The following SPAG9 variants were observed in gnomAD, a reference collection of about 807,000 sequenced individuals.
SPAG9 encodes the protein C-Jun-amino-terminal kinase-interacting protein 4.
Under a neutral mutation model 166.5 loss-of-function variants are expected in SPAG9, and 35 were observed. The ratio of observed to expected loss-of-function variants is 0.21; its 90% CI spans 0.16 to 0.28. The LOEUF is 0.28. Among genes scored for constraint, SPAG9 ranks in the 10% least tolerant of loss-of-function variants. The probability of loss-of-function intolerance (pLI) is 1.00; values close to 1 mark genes in which losing one functional copy is unlikely to be tolerated. For missense variants in SPAG9, 1,235 were observed against 1,603.3 expected (o/e 0.77, Z 3.92); for synonymous variants, 534 against 565.5 (o/e 0.94, Z 0.79).
chr17:51,068,125 A>G (rs1182743498), intron 2 of SPAG9, among the ~76,000 whole-genome samples: 1 of 152,202 alleles, frequency 6.6e-6, no homozygotes, highest in South Asian at 2.1e-4. Context: ...AGATAGTCCA[A>G]CTGTTGCTGG....
In SPAG9 at chr17:51,077,021, T is replaced by TCTAG. The variant is rs1249662126; in HGVS notation, c.424+2559_424+2562dup. 2.2e-3 allele frequency among the ~76,000 whole-genome samples: 168 copies of TCTAG among 76,126 alleles called. 3 individuals carry two copies. Among genetic ancestry groups the TCTAG allele is most frequent in the Non-Finnish European group, 3.0e-3 (113 of 37,536 alleles). 49.9% of individuals were successfully genotyped at this position (76,126 alleles called of 152,430 possible). On this transcript the variant is annotated intron_variant, in intron 2 of 29. Coordinates refer to ENST00000262013, the MANE Select transcript of SPAG9 (RefSeq NM_001130528.3). ...AGCTATCTAGCTAGCTAGCTAGCTA[T>TCTAG]CTAGCTATCTATCTAGCTATCTAGC...
At position 51,086,179 on chromosome 17, in the gene SPAG9, T is replaced by C. The variant is rs1000201676; in HGVS notation, c.304-6475A>G. Among the ~76,000 whole-genome samples the C allele has an allele frequency of 2.0e-5, 3 of 151,814 alleles. No homozygotes were observed. In the South Asian group the frequency reaches 6.2e-4, roughly 32 times the overall value. On this transcript the variant is annotated intron_variant, in intron 1 of 29. Transcript: ENST00000262013. Reference sequence around the variant, plus strand: ...ATTTTTGGTAGAGACAGGGTTTCAGTATGTTGGCTGGGCTGGTCTCAAACT... The same window carrying C: ...ATTTTTGGTAGAGACAGGGTTTCAGCATGTTGGCTGGGCTGGTCTCAAACT...
intron 3 of SPAG9, among the ~76,000 whole-genome samples, chr17:51,048,444 T>C (rs2047090690): frequency 6.6e-6 from 1 of 151,980 alleles, no homozygotes; most frequent in Non-Finnish European, 1.5e-5. Context: ...ATTACTTGAA[T>C]TCTTTTTTTT....
At chr17:51,053,383 A>C (rs544518273) in intron 3 of SPAG9, among the ~76,000 whole-genome samples, 1 of 151,876 alleles carries the variant, frequency 6.6e-6, no homozygotes, top group Admixed American at 6.6e-5. Context: ...TGAAATAAAC[A>C]TTTTAAAAAT....
intron 27 of SPAG9, among the ~76,000 whole-genome samples, chr17:50,975,535 T>TA (rs1224597242): frequency 1.3e-5 from 2 of 152,016 alleles, no homozygotes; most frequent in African/African-American, 4.8e-5. Context: ...GGCAAGTAAG[T>TA]AAATGAAAGA....
intron 1 of SPAG9, among the ~76,000 whole-genome samples, chr17:51,114,208 C>A (rs1456135799): frequency 6.6e-6 from 1 of 151,806 alleles, no homozygotes; most frequent in Non-Finnish European, 1.5e-5. Context: ...TGCCTGTAAT[C>A]CCAAACTACT....
chr17:50,971,757 G>A (rs1398874276), intron 28 of SPAG9, among the ~76,000 whole-genome samples: 1 of 151,564 alleles, frequency 6.6e-6, no homozygotes, highest in African/African-American at 2.4e-5. Context: ...ACTGCACCTG[G>A]CCCAAATTAC....
At chr17:51,073,424 G>T (rs1264327753) in intron 2 of SPAG9, among the ~76,000 whole-genome samples, 2 of 151,870 alleles carry the variant, frequency 1.3e-5, no homozygotes, top group African/African-American at 4.8e-5. Flanking sequence ...GGAGGTTGAG[G>T]CTACAGTGAG....
rs181359149 is a variant in SPAG9, at chr17:51,091,259, C to T, written c.304-11555G>A. 4.0e-5 allele frequency among the ~76,000 whole-genome samples: 5 copies of T among 123,578 alleles called. No individual in the cohort carries two copies. In the East Asian group the frequency reaches 1.2e-3, roughly 29 times the overall value. 81.1% of individuals were successfully genotyped at this position (123,578 alleles called of 152,430 possible). A position where few individuals can be genotyped will look rare whatever the true frequency, so the allele number is the denominator to read the frequency against. ...CTGCACTCCAGCCTGAGCGACGGAT[C>T]AAGACCCTGTATACAAAAAAAAAAA... On this transcript the variant is annotated intron_variant, in intron 1 of 29. Coordinates refer to ENST00000262013, the MANE Select transcript of SPAG9 (RefSeq NM_001130528.3).
At chr17:51,117,918 G>A (rs1415568762) in intron 1 of SPAG9, among the ~76,000 whole-genome samples, 1 of 151,656 alleles carries the variant, frequency 6.6e-6, no homozygotes, top group Admixed American at 6.6e-5. Flanking sequence ...TGGATTGCCT[G>A]AGCTCAGGAG....
intron 2 of SPAG9, among the ~76,000 whole-genome samples, chr17:51,062,701 G>C (rs1340006094): frequency 2.0e-5 from 3 of 152,106 alleles, no homozygotes; most frequent in Middle Eastern, 3.4e-3. Flanking sequence ...AGCAATTCTC[G>C]TGCCTCAGCC....
At chr17:50,978,810 T>C (rs1974373038) in intron 26 of SPAG9, among the ~76,000 whole-genome samples, 1 of 152,032 alleles carries the variant, frequency 6.6e-6, no homozygotes, top group African/African-American at 2.4e-5. Context: ...TTTGAGAACA[T>C]GTAAGGTCTC....
intron 1 of SPAG9, among the ~76,000 whole-genome samples, chr17:51,112,102 G>T (rs2144783043): frequency 6.6e-6 from 1 of 152,128 alleles, no homozygotes; most frequent in South Asian, 2.1e-4. Context: ...ATTTCATAAA[G>T]CAACAACCAT....
chr17:51,052,676 G>C (rs1234127890), intron 3 of SPAG9, among the ~76,000 whole-genome samples: 1 of 151,638 alleles, frequency 6.6e-6, no homozygotes, highest in Non-Finnish European at 1.5e-5. Flanking sequence ...AAATTAGTAT[G>C]TCAGGCTTCT....
chr17:51,064,994 G>A (rs2047621004), intron 2 of SPAG9, among the ~76,000 whole-genome samples: 1 of 152,020 alleles, frequency 6.6e-6, no homozygotes, highest in Non-Finnish European at 1.5e-5. Context: ...ATGGTGGCAG[G>A]TGCCTGTAAT....
chr17:51,037,685 AG>A (rs1245350619), intron 5 of SPAG9, among the ~76,000 whole-genome samples: 3,534 of 80,696 alleles, frequency 0.044, 161 homozygotes, highest in Admixed American at 0.076. Flanking sequence ...ATATATATAT[AG>A]TGTGTGTGTG....
intron 16 of SPAG9, 132 bp downstream of exon 16, chr17:50,996,433 T>C (rs2044683008): frequency 3.1e-5 from 32 of 1,018,008 alleles, no homozygotes; most frequent in Non-Finnish European, 4.5e-5. Context: ...CCCTCCATGC[T>C]TAAATGTGTG....
intron 1 of SPAG9, among the ~76,000 whole-genome samples, chr17:51,119,033 CAA>C (rs3079111): frequency 3.0e-4 from 29 of 96,246 alleles, no homozygotes; most frequent in Non-Finnish European, 5.3e-4. Flanking sequence ...GACTACGTCT[CAA>C]AAAAAAAAAA....
rs1201036264 is a variant in SPAG9, at chr17:51,001,793, C to A, written c.1529G>T (p.Arg510Leu). The A allele has an allele frequency of 6.2e-7, 1 of 1,613,474 alleles. No individual in the cohort carries two copies. The highest frequency in any genetic ancestry group is 8.5e-7 in the Non-Finnish European group (1 of 1,179,500). ...RKRFTRVEMA[R>L]VLMERNQYKE... ...ATACTGGTTTCGCTCCATGAGAACA[C>A]GGGCCATTTCTACTCTAGTAAACCG... is the stretch of plus-strand genomic sequence containing the variant. The change falls in exon 13 of 30, where the codon CGT (arginine) becomes CTT (leucine). Residue 510 changes from arginine (R) to leucine (L), a missense_variant. Arg to Leu is a moderately radical substitution (Grantham distance 102). This residue lies in a region of SPAG9 where 125 missense variants were observed against 194.0 expected (regional missense o/e 0.64). Coordinates refer to ENST00000262013, the MANE Select transcript of SPAG9 (RefSeq NM_001130528.3).
Sources: gnomAD v4.1 joint callset for allele counts (sites outside exome capture counted in the v4.1 genomes callset) on GRCh38, gnomAD v4.1.1 for gene constraint, gnomAD v4.1.1 regional missense constraint, MANE v1.5 for transcripts, NCBI Gene and HGNC (gene_info 2026-07-23, HGNC 2026-07-21) for gene names.